DISC1: variants seen among roughly 807,000 people sequenced by gnomAD.
DISC1 encodes DISC1 scaffold protein.
A neutral mutation model predicts 84.5 loss-of-function variants in DISC1; 57 were observed. That is an observed-to-expected ratio of 0.67 (90% CI 0.55 to 0.84). The LOEUF (loss-of-function observed/expected upper bound fraction) is 0.84, where lower values mean the gene tolerates loss of function less well. Ranked by LOEUF, DISC1 falls within the 40% of genes least tolerant of loss-of-function variation. The pLI is 0.00. For synonymous variants in DISC1, 411 were observed against 415.2 expected, an observed-to-expected ratio of 0.99 and a Z score of 0.12; for missense variants, 1,000 against 1,057.8, an observed-to-expected ratio of 0.95 and a Z score of 0.76.
At chr1:231,651,649 A>C (rs1235458079) in intron 1 of DISC1, among the ~76,000 whole-genome samples, 1 of 152,260 alleles carries the variant, frequency 6.6e-6, no homozygotes, top group East Asian at 1.9e-4. Context: ...TTAAGTCTGC[A>C]GAAGTTTCTG....
chr1:231,843,937 A>G (rs149823747), intron 9 of DISC1, among the ~76,000 whole-genome samples: 206 of 152,232 alleles, frequency 1.4e-3, no homozygotes, highest in African/African-American at 4.8e-3. Context: ...TTATAATTAG[A>G]GCCGTGCAGA....
At position 231,924,294 on chromosome 1, in the gene DISC1, C is replaced by T. The variant is rs568765329; in HGVS notation, c.1982-34534C>T. ...GTATTGCTCCTGGGCCCTTTGTGGC[C>T]GAGCACGAACAGCTGTACATACAAA... is the stretch of plus-strand genomic sequence containing the variant. On this transcript the variant is annotated intron_variant, in intron 9 of 12. Coordinates refer to ENST00000439617, the MANE Select transcript of DISC1 (RefSeq NM_018662.3). Among the ~76,000 whole-genome samples the T allele has an allele frequency of 4.6e-5, 7 of 152,248 alleles. No individual in the cohort carries two copies. The South Asian group carries it at 6.2e-4, about 14-fold the overall frequency.
intron 9 of DISC1, among the ~76,000 whole-genome samples, chr1:231,880,863 A>G (rs2086243785): frequency 6.6e-6 from 1 of 152,146 alleles, no homozygotes; most frequent in African/African-American, 2.4e-5. Context: ...AGAATGCAGG[A>G]CCTGAAGGAA....
chr1:231,834,269 C>A lies in DISC1; in HGVS notation c.1981+15752C>A, dbSNP rs536186170. Among the ~76,000 whole-genome samples the A allele has an allele frequency of 2.6e-3, 392 of 152,016 alleles. 2 individuals are homozygous for A. The highest frequency in any genetic ancestry group is 9.1e-3 in the African/African-American group (376 of 41,466). ...GTGGAGGCCGAGGAAGAATTTGGAC[C>A]TAGCTTGGCCTGGTGAGGAGGGGAG... On this transcript the variant is annotated intron_variant, in intron 9 of 12. Transcript: ENST00000439617.
Position 231,750,058 on chromosome 1 carries a change from G to A in DISC1, c.1250G>A (p.Arg417His), listed in dbSNP as rs201902199. 1.4e-5 allele frequency: 22 copies of A among 1,613,966 alleles called. No homozygotes were observed. Among genetic ancestry groups the A allele is most frequent in the Non-Finnish European group, 1.8e-5 (21 of 1,179,982 alleles). ...GCAGCACAAGTCCAGGCTGCCTTGC[G>A]CCGTGGGGCCACTCAGCAGTGAGTA... Reference protein sequence around the residue: ...HLAAQVQAALRRGATQQASGD... With the variant: ...HLAAQVQAALHRGATQQASGD... The change falls in exon 4 of 13, where the codon CGC becomes CAC. Residue 417 changes from arginine (R) to histidine (H), a missense_variant. By Grantham distance (29) the Arg-to-His change is conservative (BLOSUM62 0). This residue lies in a region of DISC1 where 311 missense variants were observed against 400.1 expected (regional missense o/e 0.78). Transcript: ENST00000439617.
At chr1:231,720,875 A>G in intron 3 of DISC1, 1 of 1,290,988 alleles carries the variant, frequency 7.7e-7, no homozygotes, top group Non-Finnish European at 1.0e-6. Flanking sequence ...GCTACCAGTC[A>G]TCTCACTTTG....
chr1:231,857,116 G>A (rs1355336699), intron 9 of DISC1, among the ~76,000 whole-genome samples: 1 of 152,198 alleles, frequency 6.6e-6, no homozygotes. Context: ...TCAAGGCCCT[G>A]GTTTGGGTTC....
At chr1:231,818,075 G>T (rs1023564464) in intron 8 of DISC1, among the ~76,000 whole-genome samples, 1 of 152,104 alleles carries the variant, frequency 6.6e-6, no homozygotes, top group African/African-American at 2.4e-5. Flanking sequence ...ACGGGAGATG[G>T]CTTCACCAAT....
intron 1 of DISC1, among the ~76,000 whole-genome samples, chr1:231,676,475 A>G (rs2063166720): frequency 6.6e-6 from 1 of 152,260 alleles, no homozygotes; most frequent in Non-Finnish European, 1.5e-5. Flanking sequence ...GGTAAAATCC[A>G]GACATTTATG....
Position 231,683,519 on chromosome 1 carries a change from G to A in DISC1, c.68-10307G>A, listed in dbSNP as rs958410640. 3.4e-5 allele frequency among the ~76,000 whole-genome samples: 5 copies of A among 147,424 alleles called. 1 individual carries two copies. The highest frequency in any genetic ancestry group is 3.0e-5 in the Non-Finnish European group (2 of 67,046). On this transcript the variant is annotated intron_variant, in intron 1 of 12. Coordinates refer to ENST00000439617, the MANE Select transcript of DISC1 (RefSeq NM_018662.3). Reference sequence around the variant, plus strand: ...TGGCTCACTGCCGCCTTGCCTTCCCGGGATCAAGCTATCCTCCTGGGCACA... The same window carrying A: ...TGGCTCACTGCCGCCTTGCCTTCCCAGGATCAAGCTATCCTCCTGGGCACA...
At chr1:231,810,442 CAA>C (rs933393433) in intron 8 of DISC1, among the ~76,000 whole-genome samples, 1 of 152,130 alleles carries the variant, frequency 6.6e-6, no homozygotes, top group Non-Finnish European at 1.5e-5. Context: ...AGGAGGGAGA[CAA>C]GAGACCCAGT....
At chr1:231,702,315 T>G (rs1282252561) in intron 3 of DISC1, 1 of 1,123,338 alleles carries the variant, frequency 8.9e-7, no homozygotes, top group African/African-American at 1.7e-5. Flanking sequence ...GCCCATGGTG[T>G]GATGTATCTA....
At chr1:231,747,926 G>GTTTC in intron 3 of DISC1, among the ~76,000 whole-genome samples, 1 of 152,190 alleles carries the variant, frequency 6.6e-6, no homozygotes, top group African/African-American at 2.4e-5. Flanking sequence ...ATGGTTCATA[G>GTTTC]TTTCCCTTGC....
chr1:231,640,844 G>A (rs548209688), intron 1 of DISC1, among the ~76,000 whole-genome samples: 1 of 152,226 alleles, frequency 6.6e-6, no homozygotes, highest in South Asian at 2.1e-4. Flanking sequence ...CCCCTCCCTG[G>A]TTTTTGATCC....
At chr1:232,024,492 T>A (rs115505462) in intron 11 of DISC1, among the ~76,000 whole-genome samples, 4,420 of 152,318 alleles carry the variant, frequency 0.029, 185 homozygotes, top group African/African-American at 0.1. Context: ...CAGTGACTAT[T>A]ACCGCACCTG....
intron 10 of DISC1, among the ~76,000 whole-genome samples, chr1:231,964,255 T>C (rs996091013): frequency 1.3e-5 from 2 of 152,182 alleles, no homozygotes; most frequent in African/African-American, 2.4e-5. Flanking sequence ...TGTGAATTAA[T>C]GCAAATAATT....
chr1:231,909,560 G>A (rs1484006197), intron 9 of DISC1, among the ~76,000 whole-genome samples: 2 of 152,146 alleles, frequency 1.3e-5, no homozygotes, highest in Non-Finnish European at 2.9e-5. Flanking sequence ...ATGTGCTGCT[G>A]GATTCTGTTT....
At chr1:231,711,193 A>G (rs2067775337) in intron 3 of DISC1, among the ~76,000 whole-genome samples, 1 of 152,124 alleles carries the variant, frequency 6.6e-6, no homozygotes, top group Non-Finnish European at 1.5e-5. Context: ...CAGATTTACC[A>G]TGCCATGGTG....
intron 9 of DISC1, among the ~76,000 whole-genome samples, chr1:231,850,941 C>T (rs2083848382): frequency 1.3e-5 from 2 of 152,138 alleles, no homozygotes; most frequent in African/African-American, 2.4e-5. Context: ...GTTGCTGTCA[C>T]CTAGTCATCT....
Sources: gnomAD v4.1 joint callset for allele counts (sites outside exome capture counted in the v4.1 genomes callset) on GRCh38, gnomAD v4.1.1 for gene constraint, gnomAD v4.1.1 regional missense constraint, MANE v1.5 for transcripts, NCBI Gene and HGNC (gene_info 2026-07-23, HGNC 2026-07-21) for gene names.